The following RELB variants were observed in gnomAD, a reference collection of about 807,000 sequenced individuals.
The protein encoded by RELB is RELB proto-oncogene, NF-kB subunit, also known as transcription factor RelB.
Under a neutral mutation model 55.4 loss-of-function variants are expected in RELB, and 14 were observed. That is an observed-to-expected ratio of 0.25 (90% confidence interval 0.17 to 0.40). RELB has a LOEUF of 0.40. RELB is among the 10% of genes least tolerant of loss of function. The pLI, the probability that RELB is intolerant of heterozygous loss-of-function variation, is 1.00. For missense variants in RELB, 669 were observed against 830.7 expected (o/e 0.81, Z 2.39); for synonymous variants, 409 against 371.3 (o/e 1.10, Z -1.17).
intron 3 of RELB, among the ~76,000 whole-genome samples, chr19:45,011,616 G>C (rs971157187): frequency 6.6e-6 from 1 of 151,354 alleles, no homozygotes; most frequent in African/African-American, 2.4e-5. Context: ...GAGACCATTC[G>C]GGCTAATTTT....
At chr19:45,009,919 G>T in intron 3 of RELB, 97 bp downstream of exon 3, 3 of 1,225,792 alleles carry the variant, frequency 2.4e-6, no homozygotes, top group Non-Finnish European at 3.5e-6. Flanking sequence ...GTGGGGGAGA[G>T]GTGTCACTGT....
Position 45,001,684 on chromosome 19 carries a change from A to C in RELB, c.105A>C (p.Leu35Phe), listed in dbSNP as rs1429774007. The C allele has an allele frequency of 2.0e-6, 3 of 1,511,208 alleles. No homozygotes were observed. In the Admixed American group the frequency reaches 6.1e-5, roughly 31 times the overall value. 93.6% of individuals were successfully genotyped at this position (1,511,208 alleles called of 1,614,324 possible). ...RPPAAPELGA[L>F]GSPDLSSLSL... ...CGGCTGCGCCGGAGCTGGGGGCCTTAGGTAAGCGGGGCTGGGGTTCAGGAG... is the reference window on the plus strand; with the variant it reads ...CGGCTGCGCCGGAGCTGGGGGCCTTCGGTAAGCGGGGCTGGGGTTCAGGAG... Residue 35 changes from leucine (L) to phenylalanine (F), a missense_variant and splice_region_variant, in exon 1 of 12, where the codon TTA becomes TTC. This residue lies in a region of RELB where 323 missense variants were observed against 368.5 expected (regional missense o/e 0.88). Coordinates refer to ENST00000221452, the MANE Select transcript of RELB (RefSeq NM_006509.4).
At chr19:45,003,915 G>GGTTTT (rs1405162566) in intron 2 of RELB, among the ~76,000 whole-genome samples, 5 of 63,574 alleles carry the variant, frequency 7.9e-5, no homozygotes, top group East Asian at 6.1e-4. Flanking sequence ...TGTTTTTTGT[G>GGTTTT]TTTTTTTTTT....
At chr19:45,001,827 A>C in intron 1 of RELB, 142 bp downstream of exon 1, 1 of 522,148 alleles carries the variant, frequency 1.9e-6, no homozygotes, top group Non-Finnish European at 3.3e-6. Context: ...GAGACACTGT[A>C]TTAGGGCGTA....
rs960502750 is a variant in RELB at position 45,024,352 on chromosome 19, C to CG, written c.663-973dup. ...AATTTTTTTGTATTTTTAGTAGAGGCGGGGTTTCACCGTGTTAGCCAAGGT... is the reference window on the plus strand; with the variant it reads ...AATTTTTTTGTATTTTTAGTAGAGGCGGGGGTTTCACCGTGTTAGCCAAGGT... On this transcript the variant is annotated intron_variant, in intron 5 of 11. Coordinates refer to ENST00000221452, the MANE Select transcript of RELB (RefSeq NM_006509.4). Among the ~76,000 whole-genome samples, 306 of 151,290 alleles carry CG rather than the reference C, an allele frequency of 2.0e-3. 1 individual carries two copies. Among genetic ancestry groups the CG allele is most frequent in the Admixed American group, 4.9e-3 (74 of 15,126 alleles).
Position 45,001,550 on chromosome 19 carries a change from G to A in RELB, c.-30G>A. Reference sequence around the variant, plus strand: ...GACCCGCGATCGTCCACCAGACCGTGCCTCCCGGCCGCCCGGCCGGCCCGC... The same window carrying A: ...GACCCGCGATCGTCCACCAGACCGTACCTCCCGGCCGCCCGGCCGGCCCGC... On this transcript the variant is annotated 5_prime_UTR_variant, in exon 1 of 12. Coordinates refer to ENST00000221452, the MANE Select transcript of RELB (RefSeq NM_006509.4). 1.5e-6 allele frequency: 2 copies of A among 1,340,754 alleles called. No homozygotes were observed. Among genetic ancestry groups the A allele is most frequent in the Non-Finnish European group, 2.0e-6 (2 of 1,018,164 alleles). 83.1% of individuals were successfully genotyped at this position (1,340,754 alleles called of 1,614,324 possible). A position where few individuals can be genotyped will look rare whatever the true frequency, so the allele number is the denominator to read the frequency against.
At chr19:45,005,138 T>C (rs1971267891) in intron 2 of RELB, among the ~76,000 whole-genome samples, 1 of 152,088 alleles carries the variant, frequency 6.6e-6, no homozygotes, top group South Asian at 2.1e-4. Context: ...GCCACTGCAC[T>C]CCAGCCTGGG....
intron 5 of RELB, among the ~76,000 whole-genome samples, chr19:45,023,625 A>G (rs1027478042): frequency 6.6e-6 from 1 of 151,018 alleles, no homozygotes. Context: ...TTTTTAGTAC[A>G]GACGGGGTTT....
Position 45,012,105 on chromosome 19 carries a change from G to T in RELB, c.333G>T (p.Leu111=). The part of the protein sequence containing the change: ...PATPPPWGCP[L]GRLVSPAPGP... Reference sequence around the variant, plus strand: ...CGCCGCCGCCTTGGGGCTGCCCCCTGGGCCGACTAGTGTCCCCAGCGCCGG... The same window carrying T: ...CGCCGCCGCCTTGGGGCTGCCCCCTTGGCCGACTAGTGTCCCCAGCGCCGG... The change falls in exon 4 of 12, where the codon CTG becomes CTT. Residue 111 remains leucine (L), a synonymous_variant. Transcript: ENST00000221452. The T allele has an allele frequency of 2.6e-6, 4 of 1,556,466 alleles. No homozygotes were observed. Among genetic ancestry groups the T allele is most frequent in the Non-Finnish European group, 3.5e-6 (4 of 1,158,586 alleles).
At position 45,025,683 on chromosome 19, in the gene RELB, C is replaced by G. The variant is rs776816076; in HGVS notation, c.832C>G (p.Gln278Glu). The stretch of plus-strand genomic sequence containing the variant: ...CTTCCAGGCCTCATATCGGGACCAG[C>G]AGGGACAGATGCGCCGGATGGATCC... ...ICFQASYRDQ[Q>E]GQMRRMDPVL... Residue 278 changes from glutamine to glutamate, a missense_variant, in exon 7 of 12, where the codon CAG becomes GAG. Around this residue, in one of 3 missense-constraint regions of RELB, gnomAD observed 341 missense variants for 436.8 expected, o/e 0.78. Coordinates refer to ENST00000221452, the MANE Select transcript of RELB (RefSeq NM_006509.4). 24 of 1,613,878 alleles carry G rather than the reference C, an allele frequency of 1.5e-5. No homozygotes were observed. The highest frequency in any genetic ancestry group is 5.0e-5 in the Admixed American group (3 of 59,986).
At chr19:45,025,513 C>T (rs1971547638) in intron 6 of RELB, 93 bp downstream of exon 6, 45 of 1,567,744 alleles carry the variant, frequency 2.9e-5, no homozygotes, top group Admixed American at 2.0e-4. Flanking sequence ...CAGGCCCCAC[C>T]GTCTCCTCCA....
chr19:45,026,315 A>G (rs1349616654), intron 7 of RELB, among the ~76,000 whole-genome samples: 1 of 151,772 alleles, frequency 6.6e-6, no homozygotes, highest in Non-Finnish European at 1.5e-5. Flanking sequence ...AGGTGGGAAG[A>G]TTGCTTGAGC....
rs113601074 is a variant in RELB at position 45,014,168 on chromosome 19, C to CTTT, written c.504+1908_504+1910dup. ...ATTCCCCAACTTCTAATTTCTAAGGCTTTTTTTTTTTTTTTTTTGGAGACA... is the reference window on the plus strand; with the variant it reads ...ATTCCCCAACTTCTAATTTCTAAGGCTTTTTTTTTTTTTTTTTTTTTGGAGACA... On this transcript the variant is annotated intron_variant, in intron 4 of 11. Coordinates refer to ENST00000221452, the MANE Select transcript of RELB (RefSeq NM_006509.4). Among the ~76,000 whole-genome samples the CTTT allele has an allele frequency of 3.0e-3, 378 of 126,772 alleles. 8 individuals carry two copies. The highest frequency in any genetic ancestry group is 0.011 in the African/African-American group (346 of 32,284). The allele number at this position is 126,772 out of a possible 152,430, so 83.2% of individuals were successfully genotyped here. A position where few individuals can be genotyped will look rare whatever the true frequency, so the allele number is the denominator to read the frequency against.
intron 4 of RELB, among the ~76,000 whole-genome samples, chr19:45,019,474 C>T (rs35912475): frequency 0.32 from 49,354 of 151,998 alleles, 10,095 homozygotes; most frequent in Non-Finnish European, 0.46. Flanking sequence ...TCTGTAGCTA[C>T]AATCTCATTA....
At chr19:45,008,458 G>A in intron 2 of RELB, 1 of 456,216 alleles carries the variant, frequency 2.2e-6, no homozygotes, top group Non-Finnish European at 4.4e-6. Flanking sequence ...GGGTCCCCAG[G>A]TTCATCCAGC....
intron 3 of RELB, among the ~76,000 whole-genome samples, chr19:45,010,180 G>A (rs964901526): frequency 6.6e-6 from 1 of 151,282 alleles, no homozygotes; most frequent in African/African-American, 2.4e-5. Flanking sequence ...GTGCGCACCT[G>A]TAGTCCCAGC....
chr19:45,009,968 T>A, intron 3 of RELB, 146 bp downstream of exon 3: 1 of 858,756 alleles, frequency 1.2e-6, no homozygotes, highest in South Asian at 1.5e-5. Context: ...AACGAAGTCA[T>A]GCTCCTAAGG....
At chr19:45,028,544 G>A (rs1971584176) in intron 7 of RELB, among the ~76,000 whole-genome samples, 1 of 151,966 alleles carries the variant, frequency 6.6e-6, no homozygotes, top group South Asian at 2.1e-4. Flanking sequence ...ATGTTGGCCA[G>A]GCTGGTCTCA....
At chr19:45,029,631 C>T (rs1250606213) in intron 8 of RELB, among the ~76,000 whole-genome samples, 2 of 152,078 alleles carry the variant, frequency 1.3e-5, no homozygotes, top group African/African-American at 2.4e-5. Flanking sequence ...GGGCGGATCA[C>T]CTGAGGTCAG....
Sources: gnomAD v4.1 joint callset for allele counts (sites outside exome capture counted in the v4.1 genomes callset) on GRCh38, gnomAD v4.1.1 for gene constraint, gnomAD v4.1.1 regional missense constraint, MANE v1.5 for transcripts, NCBI Gene and HGNC (gene_info 2026-07-23, HGNC 2026-07-21) for gene names.